Variants in SCARA5 observed in about 807,000 individuals in gnomAD.
SCARA5 encodes scavenger receptor class A, member 5 (putative).
A neutral mutation model predicts 46.3 loss-of-function variants in SCARA5; 45 were observed. The ratio of observed to expected loss-of-function variants is 0.97; its 90% CI spans 0.76 to 1.24. The LOEUF (loss-of-function observed/expected upper bound fraction) is 1.24. Among genes scored for constraint, SCARA5 ranks in the 50% most tolerant of loss-of-function variants. SCARA5 has a pLI of 0.00. For synonymous variants in SCARA5, 333 were observed against 306.5 expected (o/e 1.09, Z -0.90); for missense variants, 680 against 689.0 (o/e 0.99, Z 0.15).
chr8:27,920,612 CAA>C (rs55954197), intron 4 of SCARA5, among the ~76,000 whole-genome samples: 3 of 123,780 alleles, frequency 2.4e-5, no homozygotes, highest in African/African-American at 3.0e-5. Context: ...GACTCCATCT[CAA>C]AAAAAAAAAA....
chr8:27,926,568 A>G (rs1019596017), intron 3 of SCARA5, among the ~76,000 whole-genome samples: 3 of 152,224 alleles, frequency 2.0e-5, no homozygotes, highest in Non-Finnish European at 4.4e-5. Flanking sequence ...GTGCACATGT[A>G]CCCTAGAACT....
In SCARA5 at chr8:27,888,614, G is replaced by T. The variant is rs79660855; in HGVS notation, c.1154-8848C>A. Among the ~76,000 whole-genome samples the T allele has an allele frequency of 9.9e-3, 1,514 of 152,272 alleles. 53 individuals carry two copies. Among genetic ancestry groups the T allele is most frequent in the East Asian group, 0.066 (343 of 5,176 alleles). On this transcript the variant is annotated intron_variant, in intron 7 of 8. Transcript: ENST00000354914. The stretch of plus-strand genomic sequence containing the variant: ...TGAGCTACCAGATTTTCTTTGCTTG[G>T]TGCCTTGCAAATAAACACCATGCTT...
At chr8:27,894,109 C>A (rs1283612921) in intron 7 of SCARA5, among the ~76,000 whole-genome samples, 2 of 152,246 alleles carry the variant, frequency 1.3e-5, no homozygotes, top group Non-Finnish European at 2.9e-5. Flanking sequence ...TCCCGTCGTG[C>A]ACAGGCTGGG....
At chr8:27,965,471 G>C (rs1024093918) in intron 3 of SCARA5, among the ~76,000 whole-genome samples, 1 of 152,156 alleles carries the variant, frequency 6.6e-6, no homozygotes, top group Non-Finnish European at 1.5e-5. Flanking sequence ...CATCGCATTG[G>C]GCTACACCCC....
intron 2 of SCARA5, among the ~76,000 whole-genome samples, chr8:27,981,678 C>CA (rs1808618076): frequency 6.6e-6 from 1 of 152,220 alleles, no homozygotes; most frequent in Non-Finnish European, 1.5e-5. Flanking sequence ...TGACACACTG[C>CA]AACACGTGTC....
chr8:27,900,095 G>A (rs1264441395), intron 7 of SCARA5, among the ~76,000 whole-genome samples: 1 of 151,704 alleles, frequency 6.6e-6, no homozygotes, highest in African/African-American at 2.4e-5. Context: ...CCGAGATCGT[G>A]CCACTGCACT....
chr8:27,930,402 A>G (rs1189408516), intron 3 of SCARA5, among the ~76,000 whole-genome samples: 3 of 148,440 alleles, frequency 2.0e-5, no homozygotes, highest in Non-Finnish European at 4.5e-5. Context: ...AGTCTATTAA[A>G]CTTCTTTTTT....
chr8:27,986,614 C>T (rs1414138367), intron 2 of SCARA5, among the ~76,000 whole-genome samples: 3 of 151,546 alleles, frequency 2.0e-5, no homozygotes, highest in Non-Finnish European at 4.4e-5. Flanking sequence ...CCTGCAGAGA[C>T]TCTCCCCACT....
chr8:27,883,358 C>G (rs10092001), intron 7 of SCARA5, among the ~76,000 whole-genome samples: 118,452 of 152,108 alleles, frequency 0.78, 46,204 homozygotes, highest in Non-Finnish European at 0.8. Context: ...TCACAGCTTG[C>G]GTTTCCTTAT....
Position 27,922,021 on chromosome 8 carries a change from G to C in SCARA5, c.466C>G (p.Leu156Val). The C allele has an allele frequency of 6.4e-7, 1 of 1,570,998 alleles. No individual in the cohort carries two copies. Among genetic ancestry groups the C allele is most frequent in the East Asian group, 2.3e-5 (1 of 42,838 alleles). Residue 156 changes from leucine (L) to valine (V), a missense_variant, in exon 4 of 9, where the codon CTG becomes GTG. Physicochemically the swap from Leu to Val is conservative, Grantham distance 32. This residue lies in a region of SCARA5 where 438 missense variants were observed against 384.5 expected (regional missense o/e 1.14). Transcript: ENST00000354914. The stretch of plus-strand genomic sequence containing the variant: ...TCGGTCTGCACCGCCTGCGCCTGCA[G>C]CCCCCACAGCGCGCCCTCCAGCCGC... ...VQRLEGALWG[L>V]QAQAVQTEQA... is the part of the protein sequence containing the mutation.
intron 7 of SCARA5, among the ~76,000 whole-genome samples, chr8:27,901,884 T>C (rs1283200627): frequency 6.6e-6 from 1 of 152,198 alleles, no homozygotes; most frequent in Non-Finnish European, 1.5e-5. Context: ...GGGGATTTTG[T>C]TCAGCCTCAG....
chr8:27,879,723 T>G lies in SCARA5; in HGVS notation c.1197A>C (p.Ser399=), dbSNP rs1806781617. 1 of 1,613,084 alleles carries G rather than the reference T, an allele frequency of 6.2e-7. No homozygotes were observed. The highest frequency in any genetic ancestry group is 8.5e-7 in the Non-Finnish European group (1 of 1,180,026). ...CTTCCACGCGGCCCTCGTGCGGACC[T>G]GAGCCATTCACCAGGCGGATCATCA... ...APMMIRLVNG[S]GPHEGRVEVY... Residue 399 remains serine (S), a synonymous_variant, in exon 8 of 9, where the codon TCA becomes TCC. Coordinates refer to ENST00000354914, the MANE Select transcript of SCARA5 (RefSeq NM_173833.6).
chr8:27,904,914 T>A lies in SCARA5; in HGVS notation c.1097-80A>T. 3 of 1,254,046 alleles carry A rather than the reference T, an allele frequency of 2.4e-6. No individual in the cohort carries two copies. The South Asian group carries it at 3.9e-5, about 16-fold the overall frequency. The allele number at this position is 1,254,046 out of a possible 1,614,324, so 77.7% of individuals were successfully genotyped here. ...TAAAATATTACCTGCAGGAGATTGA[T>A]GAACTCGAGACCAGAGAAACCCTCA... On this transcript the variant is annotated intron_variant, in intron 6 of 8. Transcript: ENST00000354914.
chr8:27,933,529 A>AAAG (rs1807810265), intron 3 of SCARA5, among the ~76,000 whole-genome samples: 1 of 150,624 alleles, frequency 6.6e-6, no homozygotes. Flanking sequence ...CTTAAAAAAA[A>AAAG]AAAAAAAAGA....
Position 27,912,153 on chromosome 8 carries a change from T to C in SCARA5, c.917-2410A>G, listed in dbSNP as rs182142083. 3.9e-5 allele frequency among the ~76,000 whole-genome samples: 6 copies of C among 152,324 alleles called. No homozygotes were observed. The East Asian group carries it at 9.6e-4, about 24-fold the overall frequency. On this transcript the variant is annotated intron_variant, in intron 4 of 8. Coordinates refer to ENST00000354914, the MANE Select transcript of SCARA5 (RefSeq NM_173833.6). ...CCACCAAGTTTATGATGCTTTGTTA[T>C]GGCAGCCCCAGGAAATCGAAACACA...
chr8:27,921,566 G>C lies in SCARA5; in HGVS notation c.916+5C>G, dbSNP rs374332817. Reference sequence around the variant, plus strand: ...TGGGTGGAGGCAGCAAGGGCCTGGCGGTACCTTTCGCGAGGGAGATGTTCC... The same window carrying C: ...TGGGTGGAGGCAGCAAGGGCCTGGCCGTACCTTTCGCGAGGGAGATGTTCC... On this transcript the variant is annotated splice_donor_5th_base_variant and intron_variant, in intron 4 of 8. Coordinates refer to ENST00000354914, the MANE Select transcript of SCARA5 (RefSeq NM_173833.6). The C allele has an allele frequency of 3.9e-6, 6 of 1,543,450 alleles. No individual in the cohort carries two copies. Among genetic ancestry groups the C allele is most frequent in the African/African-American group, 2.8e-5 (2 of 72,132 alleles).
Position 27,904,812 on chromosome 8 carries a change from C to T in SCARA5, c.1119G>A (p.Glu373=). 6.2e-7 allele frequency: 1 copy of T among 1,613,062 alleles called. No individual in the cohort carries two copies. Among genetic ancestry groups the T allele is most frequent in the East Asian group, 2.2e-5 (1 of 44,864 alleles). Residue 373 remains glutamate, a synonymous_variant, in exon 7 of 9, where the codon GAG becomes GAA. Transcript: ENST00000354914. ...GFKGDRGPKG[E]KGEKGDRAGD... is the part of the protein sequence containing the mutation. ...CAGCTCTGTCTCCTTTCTCTCCTTT[C>T]TCTCCTTTTGGGCCTCGGTCACCTA...
At chr8:27,990,584 GCA>G (rs1808773752) in intron 1 of SCARA5, among the ~76,000 whole-genome samples, 1 of 152,192 alleles carries the variant, frequency 6.6e-6, no homozygotes, top group Non-Finnish European at 1.5e-5. Context: ...GAGGCCCCGG[GCA>G]CAGTTTTCCT....
intron 3 of SCARA5, among the ~76,000 whole-genome samples, chr8:27,933,260 G>A (rs980390016): frequency 6.6e-6 from 1 of 152,066 alleles, no homozygotes; most frequent in African/African-American, 2.4e-5. Flanking sequence ...AGTGGCTCAC[G>A]CCTGTAATCC....
Sources: gnomAD v4.1 joint callset for allele counts (sites outside exome capture counted in the v4.1 genomes callset) on GRCh38, gnomAD v4.1.1 for gene constraint, gnomAD v4.1.1 regional missense constraint, MANE v1.5 for transcripts, NCBI Gene and HGNC (gene_info 2026-07-23, HGNC 2026-07-21) for gene names.